Variants in HMCN1 observed in about 807,000 individuals in gnomAD.
HMCN1 encodes the protein hemicentin-1.
HMCN1 carries 321 observed loss-of-function variants against 625.9 expected under a neutral mutation model. That is an observed-to-expected ratio of 0.51 (90% CI 0.47 to 0.56). The LOEUF is 0.56. Among genes scored for constraint, HMCN1 ranks in the 20% least tolerant of loss-of-function variants. The pLI, the probability that HMCN1 is intolerant of heterozygous loss-of-function variation, is 0.00. For missense variants in HMCN1, 6,588 were observed against 6,887.3 expected (o/e 0.96, Z 1.54); for synonymous variants, 2,425 against 2,417.6 (o/e 1.00, Z -0.09).
At chr1:186,126,033 G>GATA (rs920544309) in intron 82 of HMCN1, among the ~76,000 whole-genome samples, 20 of 152,060 alleles carry the variant, frequency 1.3e-4, no homozygotes, top group African/African-American at 4.8e-4. Flanking sequence ...GTGGAAATAT[G>GATA]TGTTTATCAG....
chr1:185,971,157 G>A (rs1432831360), intron 15 of HMCN1, among the ~76,000 whole-genome samples: 1 of 152,106 alleles, frequency 6.6e-6, no homozygotes, highest in Non-Finnish European at 1.5e-5. Flanking sequence ...TTCTGCCACC[G>A]AATTTCTAAG....
intron 50 of HMCN1, among the ~76,000 whole-genome samples, chr1:186,068,868 CAAAAAAAAAAAAAAA>C (rs397862240): frequency 1.3e-5 from 1 of 76,774 alleles, no homozygotes; most frequent in Non-Finnish European, 2.4e-5. Flanking sequence ...GACTCGGTCT[CAAAAAAAAAAAAAAA>C]AAAAAAAAGA....
Position 186,182,060 on chromosome 1 carries a change from A to G in HMCN1, c.16295-108A>G, listed in dbSNP as rs1045250458. The G allele has an allele frequency of 4.8e-6, 6 of 1,238,432 alleles. No individual in the cohort carries two copies. In the African/African-American group the frequency reaches 8.9e-5, roughly 18 times the overall value. The allele number at this position is 1,238,432 out of a possible 1,614,324, so 76.7% of individuals were successfully genotyped here. The stretch of plus-strand genomic sequence containing the variant: ...TTTTTTAACACATGAGTATAAAATC[A>G]CCAAGAAGTTTTTCTAATGTATATC... On this transcript the variant is annotated intron_variant, in intron 104 of 106. Coordinates refer to ENST00000271588, the MANE Select transcript of HMCN1 (RefSeq NM_031935.3).
intron 11 of HMCN1, among the ~76,000 whole-genome samples, chr1:185,959,118 T>C (rs548965149): frequency 4.6e-5 from 7 of 152,310 alleles, no homozygotes; most frequent in South Asian, 4.1e-4. Flanking sequence ...GTGACAAATA[T>C]TGCTAATTGT....
chr1:185,951,227 A>C (rs1668649540), intron 11 of HMCN1, among the ~76,000 whole-genome samples: 1 of 150,720 alleles, frequency 6.6e-6, no homozygotes. Flanking sequence ...GTAGTCCAGG[A>C]ATAGTCAGGG....
At chr1:185,962,393 G>T in intron 11 of HMCN1, 125 bp from the exon 12 acceptor site, 1 of 778,438 alleles carries the variant, frequency 1.3e-6, no homozygotes, top group Non-Finnish European at 2.3e-6. Flanking sequence ...TCTGTGATGG[G>T]GTTCATCCAT....
intron 4 of HMCN1, among the ~76,000 whole-genome samples, chr1:185,889,975 C>A (rs916908779): frequency 6.7e-6 from 1 of 149,936 alleles, no homozygotes; most frequent in Admixed American, 6.6e-5. Context: ...TTGATTATTG[C>A]CACAATTTCA....
chr1:185,923,534 G>C lies in HMCN1; in HGVS notation c.1166G>C (p.Trp389Ser). ...YYPHRKPYGI[W>S]NISDFVPPNE... ...CCACATCGAAAACCTTATGGCATAT[G>C]GAATATTTCTGACTTTGTACCACCA... The change falls in exon 8 of 107, where the codon TGG becomes TCG. Residue 389 changes from tryptophan to serine, a missense_variant. This residue lies in a region of HMCN1 where 4,628 missense variants were observed against 4,853.1 expected (regional missense o/e 0.95). Coordinates refer to ENST00000271588, the MANE Select transcript of HMCN1 (RefSeq NM_031935.3). The C allele has an allele frequency of 6.2e-7, 1 of 1,612,414 alleles. No individual in the cohort carries two copies.
intron 63 of HMCN1, among the ~76,000 whole-genome samples, chr1:186,089,842 A>G (rs1158055448): frequency 6.6e-6 from 1 of 151,884 alleles, no homozygotes; most frequent in South Asian, 2.1e-4. Flanking sequence ...AAGTGGTAAA[A>G]TTATTATTTT....
At chr1:186,160,264 A>C (rs1295762938) in intron 97 of HMCN1, among the ~76,000 whole-genome samples, 1 of 145,186 alleles carries the variant, frequency 6.9e-6, no homozygotes, top group African/African-American at 2.6e-5. Flanking sequence ...ATCGGTGGTG[A>C]TATCCCCTTT....
At chr1:185,954,634 C>G (rs1190800802) in intron 11 of HMCN1, among the ~76,000 whole-genome samples, 1 of 152,072 alleles carries the variant, frequency 6.6e-6, no homozygotes. Context: ...TATGACCCCA[C>G]TTAAAAAAAT....
In HMCN1 at chr1:186,173,570, G is replaced by C. The variant is rs571159450; in HGVS notation, c.15815-944G>C. Among the ~76,000 whole-genome samples the C allele has an allele frequency of 8.1e-5, 12 of 147,932 alleles. No individual in the cohort carries two copies. In the East Asian group the frequency reaches 2.2e-3, roughly 27 times the overall value. ...GTGGGAGGATCGTTTGAACCCAGCA[G>C]GCAGAGGTTGCAGTAAGCTAAGATC... On this transcript the variant is annotated intron_variant, in intron 102 of 106. Coordinates refer to ENST00000271588, the MANE Select transcript of HMCN1 (RefSeq NM_031935.3).
chr1:186,120,662 T>C (rs1194908733), intron 80 of HMCN1, among the ~76,000 whole-genome samples: 2 of 152,244 alleles, frequency 1.3e-5, no homozygotes, highest in African/African-American at 4.8e-5. Context: ...CAGAAATAGA[T>C]TTCAAGCTAC....
intron 10 of HMCN1, among the ~76,000 whole-genome samples, chr1:185,930,416 G>C (rs1667483732): frequency 6.6e-6 from 1 of 152,086 alleles, no homozygotes; most frequent in Non-Finnish European, 1.5e-5. Context: ...TCCCAGCTCA[G>C]CCACCCCACT....
intron 52 of HMCN1, 97 bp from the exon 53 acceptor site, chr1:186,074,644 T>C: frequency 9.6e-7 from 1 of 1,040,164 alleles, no homozygotes; most frequent in Admixed American, 2.0e-5. Flanking sequence ...AATTTTATTT[T>C]CATTTATTTA....
chr1:185,796,084 T>C (rs1363976805), intron 1 of HMCN1, among the ~76,000 whole-genome samples: 1 of 152,240 alleles, frequency 6.6e-6, no homozygotes, highest in East Asian at 1.9e-4. Context: ...TCAAACTTTT[T>C]GGCACCAGTG....
intron 46 of HMCN1, 60 bp downstream of exon 46, chr1:186,057,461 T>C (rs754737482): frequency 1.7e-6 from 2 of 1,190,852 alleles, no homozygotes; most frequent in Non-Finnish European, 2.5e-6. Flanking sequence ...CAATTTCTCC[T>C]TAATTTCAAA....
intron 6 of HMCN1, among the ~76,000 whole-genome samples, chr1:185,916,544 T>C (rs1338859254): frequency 6.6e-6 from 1 of 152,212 alleles, no homozygotes; most frequent in Non-Finnish European, 1.5e-5. Flanking sequence ...CTTGAATACA[T>C]GTAAATCATA....
At chr1:186,007,337 GCAGGGTTTACTGGTAA>G in intron 30 of HMCN1, 55 bp downstream of exon 30, 1 of 1,534,588 alleles carries the variant, frequency 6.5e-7, no homozygotes, top group Non-Finnish European at 9.0e-7. Flanking sequence ...AAGTTGACAA[GCAGGGTTTACTGGTAA>G]CTACACTCTT....
Sources: allele counts gnomAD v4.1 joint callset (sites outside exome capture counted in the v4.1 genomes callset), GRCh38; gene constraint gnomAD v4.1.1; regional missense constraint gnomAD v4.1.1; transcripts MANE v1.5; gene names NCBI Gene and HGNC (gene_info 2026-07-23, HGNC 2026-07-21).